MARCHF1: variants seen among roughly 807,000 people sequenced by gnomAD.
The protein encoded by MARCHF1 is E3 ubiquitin-protein ligase MARCHF1.
MARCHF1 carries 40 observed loss-of-function variants against 54.2 expected under a neutral mutation model. The ratio of observed to expected loss-of-function variants is 0.74; its 90% CI spans 0.57 to 0.96. The LOEUF is 0.96. Among genes scored for constraint, MARCHF1 ranks in the 40% least tolerant of loss-of-function variants. The pLI is 0.00. For missense variants in MARCHF1, 586 were observed against 656.5 expected, an observed-to-expected ratio of 0.89 and a Z score of 1.17; for synonymous variants, 236 against 236.3, an observed-to-expected ratio of 1.00 and a Z score of 0.01.
At chr4:163,603,462 G>A (rs188490770) in intron 7 of MARCHF1, among the ~76,000 whole-genome samples, 8 of 152,194 alleles carry the variant, frequency 5.3e-5, no homozygotes, top group African/African-American at 1.9e-4. Context: ...AACCTCGACA[G>A]GGCTTTCACC....
At chr4:163,886,420 T>C (rs974371050) in intron 3 of MARCHF1, among the ~76,000 whole-genome samples, 37 of 151,502 alleles carry the variant, frequency 2.4e-4, no homozygotes, top group African/African-American at 8.7e-4. Flanking sequence ...TGTGTGGCAA[T>C]TGCCTTAAAC....
intron 5 of MARCHF1, among the ~76,000 whole-genome samples, chr4:163,655,445 C>T (rs943986003): frequency 2.0e-5 from 3 of 151,776 alleles, no homozygotes; most frequent in Admixed American, 6.6e-5. Context: ...TAGACTCCCA[C>T]ACAATAATAG....
At chr4:164,042,274 T>G (rs1754145214) in intron 2 of MARCHF1, among the ~76,000 whole-genome samples, 1 of 152,156 alleles carries the variant, frequency 6.6e-6, no homozygotes, top group Non-Finnish European at 1.5e-5. Flanking sequence ...TATAAAGAAC[T>G]ACTTGAGACT....
chr4:163,966,207 T>A (rs922526339), intron 3 of MARCHF1, among the ~76,000 whole-genome samples: 1 of 152,066 alleles, frequency 6.6e-6, no homozygotes, highest in Non-Finnish European at 1.5e-5. Flanking sequence ...GCTTCCAATG[T>A]AATTTAATAA....
At chr4:164,289,605 A>C (rs985818600) in intron 1 of MARCHF1, among the ~76,000 whole-genome samples, 1 of 128,484 alleles carries the variant, frequency 7.8e-6, no homozygotes, top group Non-Finnish European at 1.7e-5. Context: ...AAAAAAAAAA[A>C]CCTGTTCAAA....
chr4:163,621,701 G>A (rs1741701158), intron 5 of MARCHF1, among the ~76,000 whole-genome samples: 1 of 152,144 alleles, frequency 6.6e-6, no homozygotes, highest in Non-Finnish European at 1.5e-5. Context: ...GGAACACTGG[G>A]TCTCTGCTTA....
intron 1 of MARCHF1, among the ~76,000 whole-genome samples, chr4:164,118,886 A>G (rs1755996984): frequency 6.6e-6 from 1 of 151,640 alleles, no homozygotes; most frequent in African/African-American, 2.4e-5. Flanking sequence ...TCCAAATAAT[A>G]TAACACCACA....
At chr4:164,076,482 G>T (rs575915777) in intron 2 of MARCHF1, among the ~76,000 whole-genome samples, 1 of 152,286 alleles carries the variant, frequency 6.6e-6, no homozygotes, top group South Asian at 2.1e-4. Flanking sequence ...ACTGGCATAA[G>T]ACAAGGATGC....
At chr4:163,891,534 A>C (rs1334609079) in intron 3 of MARCHF1, among the ~76,000 whole-genome samples, 1 of 151,980 alleles carries the variant, frequency 6.6e-6, no homozygotes, top group Non-Finnish European at 1.5e-5. Flanking sequence ...GAACTCTCTC[A>C]ACTCACCGAA....
intron 4 of MARCHF1, among the ~76,000 whole-genome samples, chr4:163,705,818 A>C (rs1744934377): frequency 6.6e-6 from 1 of 152,052 alleles, no homozygotes; most frequent in Non-Finnish European, 1.5e-5. Flanking sequence ...TTTTTAGCAA[A>C]TATAACAAGG....
intron 2 of MARCHF1, among the ~76,000 whole-genome samples, chr4:164,107,361 C>G (rs1298939630): frequency 6.6e-6 from 1 of 151,900 alleles, no homozygotes; most frequent in Non-Finnish European, 1.5e-5. Flanking sequence ...ATATTAATTT[C>G]TTTTCTTATT....
At chr4:163,867,812 T>TG (rs1560795624) in intron 3 of MARCHF1, among the ~76,000 whole-genome samples, 3 of 109,468 alleles carry the variant, frequency 2.7e-5, no homozygotes, top group African/African-American at 9.4e-5. Flanking sequence ...TTCATCAATT[T>TG]CCTTTTTTTT....
intron 2 of MARCHF1, among the ~76,000 whole-genome samples, chr4:164,070,811 T>C (rs1754847170): frequency 6.6e-6 from 1 of 152,224 alleles, no homozygotes; most frequent in African/African-American, 2.4e-5. Context: ...ATGTAATTGA[T>C]AGAGTTTGGC....
intron 4 of MARCHF1, among the ~76,000 whole-genome samples, chr4:163,803,303 A>G (rs1748133531): frequency 6.6e-6 from 1 of 152,036 alleles, no homozygotes; most frequent in Admixed American, 6.5e-5. Flanking sequence ...CCTCTTGAGT[A>G]GCTGGGATTA....
intron 1 of MARCHF1, among the ~76,000 whole-genome samples, chr4:164,382,295 A>G (rs1305961560): frequency 1.3e-5 from 2 of 152,206 alleles, no homozygotes; most frequent in African/African-American, 4.8e-5. Context: ...GAAAAGCTTC[A>G]TTAGAATCAT....
chr4:164,275,212 C>T (rs1161181696), intron 1 of MARCHF1, among the ~76,000 whole-genome samples: 2 of 151,850 alleles, frequency 1.3e-5, no homozygotes, highest in Admixed American at 6.6e-5. Context: ...AGGAAGGGAG[C>T]ATGGGTCATT....
intron 5 of MARCHF1, among the ~76,000 whole-genome samples, chr4:163,621,459 T>G (rs1313914738): frequency 1.3e-5 from 2 of 152,198 alleles, no homozygotes; most frequent in Non-Finnish European, 2.9e-5. Flanking sequence ...TGGTTTAGGT[T>G]AAAGGAGATC....
chr4:163,976,896 G>T (rs1169056991), intron 3 of MARCHF1, among the ~76,000 whole-genome samples: 1 of 152,044 alleles, frequency 6.6e-6, no homozygotes, highest in Non-Finnish European at 1.5e-5. Flanking sequence ...TGGAATTATA[G>T]CCAAACACAG....
intron 3 of MARCHF1, among the ~76,000 whole-genome samples, chr4:163,854,814 T>C (rs141626352): frequency 2.2e-4 from 34 of 152,342 alleles, no homozygotes; most frequent in African/African-American, 8.2e-4. Flanking sequence ...TCTAGACTTC[T>C]AGAACTTCTT....
Sources: gnomAD v4.1 joint callset for allele counts (sites outside exome capture counted in the v4.1 genomes callset) on GRCh38, gnomAD v4.1.1 for gene constraint, MANE v1.5 for transcripts, NCBI Gene and HGNC (gene_info 2026-07-23, HGNC 2026-07-21) for gene names.